HECW2: variants seen among roughly 807,000 people sequenced by gnomAD.
HECW2 encodes HECT, C2 and WW domain containing E3 ubiquitin protein ligase 2, also known as E3 ubiquitin-protein ligase HECW2.
HECW2 carries 61 observed loss-of-function variants against 175.2 expected under a neutral mutation model. The observed-to-expected ratio is 0.35, with a 90% CI of 0.28 to 0.43. The LOEUF (loss-of-function observed/expected upper bound fraction) is 0.43. Ranked by LOEUF, HECW2 falls within the 20% of genes least tolerant of loss-of-function variation. The pLI is 1.00. For missense variants in HECW2, 1,524 were observed against 2,000.5 expected, an observed-to-expected ratio of 0.76 and a Z score of 4.54; for synonymous variants, 671 against 731.0, an observed-to-expected ratio of 0.92 and a Z score of 1.32.
intron 2 of HECW2, among the ~76,000 whole-genome samples, chr2:196,378,498 T>C (rs2889220): frequency 0.98 from 148,953 of 152,316 alleles, 72,914 homozygotes; most frequent in Non-Finnish European, 1. Flanking sequence ...GAAAATAAAA[T>C]GTTTAAACAC....
chr2:196,444,009 T>C lies in HECW2; in HGVS notation c.-35-10551A>G, dbSNP rs961964008. 5.3e-5 allele frequency among the ~76,000 whole-genome samples: 8 copies of C among 152,212 alleles called. No individual in the cohort carries two copies. In the South Asian group the frequency reaches 1.7e-3, roughly 32 times the overall value. On this transcript the variant is annotated intron_variant, in intron 1 of 28. Transcript: ENST00000644978. ...GAGATCAGGCCACTACACTCCAGCC[T>C]GGGCAACAGAGTGAGACCCTGTGGC...
At chr2:196,218,747 T>C (rs936808731) in intron 26 of HECW2, among the ~76,000 whole-genome samples, 1 of 152,212 alleles carries the variant, frequency 6.6e-6, no homozygotes, top group African/African-American at 2.4e-5. Flanking sequence ...ATAATATTTA[T>C]GGTAAAATAT....
intron 1 of HECW2, among the ~76,000 whole-genome samples, chr2:196,500,790 A>G (rs1687553463): frequency 6.6e-6 from 1 of 152,128 alleles, no homozygotes; most frequent in African/African-American, 2.4e-5. Context: ...CCACACCTCC[A>G]TTTCTTGTCT....
At chr2:196,369,275 G>T (rs1334560352) in intron 2 of HECW2, among the ~76,000 whole-genome samples, 1 of 151,386 alleles carries the variant, frequency 6.6e-6, no homozygotes, top group Admixed American at 6.6e-5. Context: ...ATAGGATCTA[G>T]AAGAATTCTG....
chr2:196,372,094 T>A (rs549758713), intron 2 of HECW2, among the ~76,000 whole-genome samples: 1 of 152,198 alleles, frequency 6.6e-6, no homozygotes, highest in Non-Finnish European at 1.5e-5. Flanking sequence ...TATCTGTGCA[T>A]TTTTGCTAAC....
chr2:196,350,334 C>T (rs568984385), intron 2 of HECW2, among the ~76,000 whole-genome samples: 83 of 152,208 alleles, frequency 5.5e-4, no homozygotes, highest in African/African-American at 1.8e-3. Flanking sequence ...CACTGCACTC[C>T]GGCCTGGGCA....
At chr2:196,516,158 C>T (rs1185020053) in intron 1 of HECW2, among the ~76,000 whole-genome samples, 2 of 151,964 alleles carry the variant, frequency 1.3e-5, no homozygotes, top group Non-Finnish European at 2.9e-5. Flanking sequence ...CAAAACAAAA[C>T]AAAAACCTGA....
At chr2:196,423,454 G>A (rs902776332) in intron 2 of HECW2, among the ~76,000 whole-genome samples, 10 of 152,012 alleles carry the variant, frequency 6.6e-5, no homozygotes, top group East Asian at 5.8e-4. Flanking sequence ...CTGCTGTGAC[G>A]GTCCTGGGTA....
rs1689173069 is a variant in HECW2 at position 196,540,481 on chromosome 2, T to C, written c.-36+53027A>G. ...AGAGACAGGTTCTCACTCTGTCACC[T>C]AGGTTGGAGTGCAGTGGCAAGATCA... is the stretch of plus-strand genomic sequence containing the variant. On this transcript the variant is annotated intron_variant, in intron 1 of 28. Coordinates refer to ENST00000644978, the MANE Select transcript of HECW2 (RefSeq NM_001348768.2). Among the ~76,000 whole-genome samples the C allele has an allele frequency of 2.0e-5, 3 of 152,286 alleles. No homozygotes were observed. The South Asian group carries it at 6.2e-4, about 32-fold the overall frequency.
intron 1 of HECW2, among the ~76,000 whole-genome samples, chr2:196,532,685 C>A (rs147002526): frequency 3.7e-4 from 57 of 152,172 alleles, no homozygotes; most frequent in Non-Finnish European, 6.6e-4. Context: ...AAAAAAATTA[C>A]CATCTTCCAG....
At chr2:196,300,684 ATATC>A (rs1469194966) in intron 13 of HECW2, among the ~76,000 whole-genome samples, 1 of 150,054 alleles carries the variant, frequency 6.7e-6, no homozygotes, top group Non-Finnish European at 1.5e-5. Context: ...ATATATATCT[ATATC>A]TATATCTATA....
chr2:196,266,168 TAA>T (rs56260949), intron 17 of HECW2, among the ~76,000 whole-genome samples: 7,408 of 135,160 alleles, frequency 0.055, 213 homozygotes, highest in African/African-American at 0.058. Flanking sequence ...CCATCTCTAT[TAA>T]AAAAAAAAAA....
At chr2:196,548,029 C>T (rs774322329) in intron 1 of HECW2, among the ~76,000 whole-genome samples, 1 of 152,052 alleles carries the variant, frequency 6.6e-6, no homozygotes, top group African/African-American at 2.4e-5. Flanking sequence ...TAAGTAACAC[C>T]AGTAAGAAAT....
At chr2:196,383,154 T>C (rs1480652784) in intron 2 of HECW2, among the ~76,000 whole-genome samples, 1 of 151,956 alleles carries the variant, frequency 6.6e-6, no homozygotes, top group Non-Finnish European at 1.5e-5. Context: ...TGGATGGAAG[T>C]GATGAAGAAA....
chr2:196,231,090 C>T (rs1030369333), intron 21 of HECW2, among the ~76,000 whole-genome samples: 5 of 5,496 alleles, frequency 9.1e-4, no homozygotes, highest in African/African-American at 2.3e-3. Context: ...AGGACTCCGT[C>T]TCAAAAAAAA....
At chr2:196,492,846 A>C (rs960491624) in intron 1 of HECW2, among the ~76,000 whole-genome samples, 12 of 152,242 alleles carry the variant, frequency 7.9e-5, no homozygotes, top group Non-Finnish European at 1.6e-4. Flanking sequence ...AAAATTTCAT[A>C]AACAAAATTC....
intron 2 of HECW2, among the ~76,000 whole-genome samples, chr2:196,379,512 C>T (rs1463017058): frequency 2.0e-5 from 3 of 151,880 alleles, no homozygotes; most frequent in Admixed American, 6.6e-5. Context: ...GGTGAAACCC[C>T]GTCTCTACTA....
intron 2 of HECW2, among the ~76,000 whole-genome samples, chr2:196,376,702 G>A (rs1178568015): frequency 6.6e-6 from 1 of 150,788 alleles, no homozygotes; most frequent in East Asian, 1.9e-4. Flanking sequence ...GGAGGCTGAA[G>A]CAGGCGGATC....
At chr2:196,408,336 C>G (rs1025707356) in intron 2 of HECW2, among the ~76,000 whole-genome samples, 3 of 152,146 alleles carry the variant, frequency 2.0e-5, no homozygotes, top group African/African-American at 7.2e-5. Flanking sequence ...CAAACAACTG[C>G]GTGATTCTAT....
Sources: gnomAD v4.1 joint callset for allele counts (sites outside exome capture counted in the v4.1 genomes callset) on GRCh38, gnomAD v4.1.1 for gene constraint, MANE v1.5 for transcripts, NCBI Gene and HGNC (gene_info 2026-07-23, HGNC 2026-07-21) for gene names.